WRN: variants seen among roughly 807,000 people sequenced by gnomAD.
The protein encoded by WRN is WRN RecQ like helicase.
A neutral mutation model predicts 180.7 loss-of-function variants in WRN; 149 were observed. The ratio of observed to expected loss-of-function variants is 0.82; its 90% CI spans 0.72 to 0.94. The LOEUF (loss-of-function observed/expected upper bound fraction) is 0.94. Among genes scored for constraint, WRN ranks in the 40% least tolerant of loss-of-function variants. The probability of loss-of-function intolerance (pLI) is 0.00; values close to 1 mark genes in which losing one functional copy is unlikely to be tolerated. For missense variants in WRN, 1,661 were observed against 1,700.1 expected, an observed-to-expected ratio of 0.98 and a Z score of 0.40; for synonymous variants, 548 against 568.9, an observed-to-expected ratio of 0.96 and a Z score of 0.52.
chr8:31,136,163 C>A lies in WRN; in HGVS notation c.2967+3657C>A, dbSNP rs192156361. Among the ~76,000 whole-genome samples, 277 of 152,274 alleles carry A rather than the reference C, an allele frequency of 1.8e-3. 1 individual carries two copies. The highest frequency in any genetic ancestry group is 8.5e-3 in the East Asian group (44 of 5,166). ...TACAGGTGCATGCCACCATGCCCAG[C>A]TAACTTTTTTGTAGAGACAGGGTCT... On this transcript the variant is annotated intron_variant, in intron 24 of 34. Transcript: ENST00000298139.
chr8:31,066,437 C>T (rs548470963), intron 5 of WRN, among the ~76,000 whole-genome samples: 2 of 152,248 alleles, frequency 1.3e-5, no homozygotes, highest in South Asian at 2.1e-4. Flanking sequence ...CCACCTGCCT[C>T]GGTCTCCCAA....
intron 3 of WRN, among the ~76,000 whole-genome samples, chr8:31,063,116 G>T (rs533575024): frequency 1.3e-5 from 2 of 152,248 alleles, no homozygotes; most frequent in East Asian, 3.9e-4. Context: ...GGGATTACAG[G>T]TGTGAGCCAC....
In WRN at chr8:31,058,551, G is replaced by T. The variant is rs973997819; in HGVS notation, c.96+8G>T. On this transcript the variant is annotated splice_region_variant and intron_variant, in intron 2 of 34. Coordinates refer to ENST00000298139, the MANE Select transcript of WRN (RefSeq NM_000553.6). ...GCTGTAGAAGAAAGAAAGGTATGTT[G>T]TTCATTGACTATTCTTTTGGGTGAG... 16 of 1,612,426 alleles carry T rather than the reference G, an allele frequency of 9.9e-6. No individual in the cohort carries two copies. In the African/African-American group the frequency reaches 1.9e-4, roughly 19 times the overall value.
At chr8:31,170,997 A>G (rs1804080447) in intron 34 of WRN, 1 of 152,170 alleles carries the variant, frequency 6.6e-6, no homozygotes, top group Admixed American at 6.5e-5. Context: ...GTGTTTTGCT[A>G]TTTTACATTT....
At position 31,154,750 on chromosome 8, in the gene WRN, C is replaced by G. The variant is rs776989868; in HGVS notation, c.3814C>G (p.Pro1272Ala). The G allele has an allele frequency of 1.2e-6, 2 of 1,613,300 alleles. No individual in the cohort carries two copies. Among genetic ancestry groups the G allele is most frequent in the East Asian group, 2.2e-5 (1 of 44,726 alleles). ...TYSLFQEKKMPLKSIAESRIL... is the reference protein window; with the variant it reads ...TYSLFQEKKMALKSIAESRIL... Reference sequence around the variant, plus strand: ...CTCTTTATTCCAAGAAAAGAAGATGCCTTTGGTAAGTGTGACTTTCATGTT... The same window carrying G: ...CTCTTTATTCCAAGAAAAGAAGATGGCTTTGGTAAGTGTGACTTTCATGTT... The change falls in exon 32 of 35, where the codon CCT becomes GCT. Residue 1272 changes from proline (P) to alanine (A), a missense_variant. This residue lies in a region of WRN where 1,141 missense variants were observed against 1,149.4 expected (regional missense o/e 0.99). Coordinates refer to ENST00000298139, the MANE Select transcript of WRN (RefSeq NM_000553.6).
intron 17 of WRN, among the ~76,000 whole-genome samples, chr8:31,099,194 C>T (rs1240239113): frequency 2.0e-5 from 3 of 151,718 alleles, no homozygotes; most frequent in South Asian, 2.1e-4. Flanking sequence ...GTCAGGAGAT[C>T]GAGACCATCC....
chr8:31,087,133 A>G (rs1001709873), intron 11 of WRN, among the ~76,000 whole-genome samples: 3 of 152,192 alleles, frequency 2.0e-5, no homozygotes, highest in African/African-American at 4.8e-5. Flanking sequence ...GTAGTTTAAT[A>G]AAGTCTTCCT....
chr8:31,133,531 A>G (rs6997099), intron 24 of WRN, among the ~76,000 whole-genome samples: 34,261 of 151,852 alleles, frequency 0.23, 4,067 homozygotes, highest in South Asian at 0.29. Flanking sequence ...TCTCAATAAA[A>G]AAAAAAAAAG....
chr8:31,134,984 G>A (rs537009523), intron 24 of WRN, among the ~76,000 whole-genome samples: 5 of 151,994 alleles, frequency 3.3e-5, no homozygotes, highest in African/African-American at 1.2e-4. Flanking sequence ...TGGCCTGTAG[G>A]GACTGGGAAA....
At chr8:31,059,538 A>G (rs1812406055) in intron 3 of WRN, among the ~76,000 whole-genome samples, 1 of 152,124 alleles carries the variant, frequency 6.6e-6, no homozygotes, top group African/African-American at 2.4e-5. Flanking sequence ...CGAGCACGAC[A>G]GTTTTTTAAC....
At chr8:31,073,688 A>G (rs1812994562) in intron 7 of WRN, among the ~76,000 whole-genome samples, 1 of 152,154 alleles carries the variant, frequency 6.6e-6, no homozygotes, top group African/African-American at 2.4e-5. Context: ...TCAAGGGCAC[A>G]CCAGCATTTA....
At chr8:31,054,940 C>T (rs957343693) in intron 1 of WRN, among the ~76,000 whole-genome samples, 9 of 152,080 alleles carry the variant, frequency 5.9e-5, no homozygotes, top group East Asian at 3.9e-4. Context: ...TCTCATCGTT[C>T]GGCTCCCACT....
At chr8:31,066,426 T>C (rs1053573322) in intron 5 of WRN, among the ~76,000 whole-genome samples, 1 of 152,252 alleles carries the variant, frequency 6.6e-6, no homozygotes, top group Admixed American at 6.5e-5. Context: ...GACCTCATGA[T>C]CCACCTGCCT....
chr8:31,070,026 A>G (rs1224507924), intron 7 of WRN, among the ~76,000 whole-genome samples: 2 of 152,074 alleles, frequency 1.3e-5, no homozygotes, highest in South Asian at 2.1e-4. Flanking sequence ...GTAATGCTAC[A>G]TTATTTGACC....
intron 17 of WRN, among the ~76,000 whole-genome samples, chr8:31,100,625 A>G (rs1814184990): frequency 6.6e-6 from 1 of 152,210 alleles, no homozygotes; most frequent in South Asian, 2.1e-4. Context: ...GGATTAATAC[A>G]TAAATATTTC....
At chr8:31,111,398 T>G (rs2130281599) in intron 18 of WRN, among the ~76,000 whole-genome samples, 1 of 152,354 alleles carries the variant, frequency 6.6e-6, no homozygotes, top group East Asian at 1.9e-4. Flanking sequence ...ATGTTTTATT[T>G]AAATGATTTC....
At chr8:31,061,291 A>G (rs1425152411) in intron 3 of WRN, among the ~76,000 whole-genome samples, 2 of 151,216 alleles carry the variant, frequency 1.3e-5, no homozygotes, top group Admixed American at 6.6e-5. Context: ...TCTTTTTTAG[A>G]TACTACATAT....
rs570051468 is a variant in WRN, at chr8:31,069,298, G to A, written c.724+971G>A. On this transcript the variant is annotated intron_variant, in intron 7 of 34. Coordinates refer to ENST00000298139, the MANE Select transcript of WRN (RefSeq NM_000553.6). ...GGCAGGCCCTCCTTTATATGTTAAG[G>A]TAGAAGAGTCTTTATTCTTACTTCT... Among the ~76,000 whole-genome samples the A allele has an allele frequency of 1.0e-3, 158 of 152,244 alleles. 1 individual carries two copies. The highest frequency in any genetic ancestry group is 3.5e-3 in the African/African-American group (147 of 41,540).
intron 9 of WRN, among the ~76,000 whole-genome samples, chr8:31,082,426 A>T (rs2130126938): frequency 6.6e-6 from 1 of 152,330 alleles, no homozygotes; most frequent in East Asian, 1.9e-4. Flanking sequence ...ATTTCATTTT[A>T]AAATGGTTTT....
Sources: gnomAD v4.1 joint callset for allele counts (sites outside exome capture counted in the v4.1 genomes callset) on GRCh38, gnomAD v4.1.1 for gene constraint, gnomAD v4.1.1 regional missense constraint, MANE v1.5 for transcripts, NCBI Gene and HGNC (gene_info 2026-07-23, HGNC 2026-07-21) for gene names.